The following TBC1D32 variants were observed in gnomAD, a reference collection of about 807,000 sequenced individuals.
TBC1D32 encodes the protein TBC1 domain family member 32, also known as protein broad-minded.
In TBC1D32, 151 loss-of-function variants were observed where a neutral mutation model predicts 170.3. That is an observed-to-expected ratio of 0.89 (90% CI 0.78 to 1.01). The LOEUF is 1.01. Ranked by LOEUF, TBC1D32 falls within the 50% of genes least tolerant of loss-of-function variation. The probability of loss-of-function intolerance (pLI) is 0.00; values close to 1 mark genes in which losing one functional copy is unlikely to be tolerated. For synonymous variants in TBC1D32, 498 were observed against 488.0 expected, an observed-to-expected ratio of 1.02 and a Z score of -0.27; for missense variants, 1,464 against 1,457.1, an observed-to-expected ratio of 1.00 and a Z score of -0.08.
At chr6:121,224,979 T>TA (rs1174365661) in intron 20 of TBC1D32, among the ~76,000 whole-genome samples, 2 of 152,030 alleles carry the variant, frequency 1.3e-5, no homozygotes, top group East Asian at 1.9e-4. Flanking sequence ...AATGAAGTTA[T>TA]AAAAAATAAC....
At chr6:121,287,342 G>A (rs1214186615) in intron 12 of TBC1D32, among the ~76,000 whole-genome samples, 1 of 151,932 alleles carries the variant, frequency 6.6e-6, no homozygotes, top group African/African-American at 2.4e-5. Context: ...AAAAAGGCAG[G>A]GGTTGCAATC....
At chr6:121,104,200 G>C (rs759272550) in intron 30 of TBC1D32, among the ~76,000 whole-genome samples, 45 of 151,678 alleles carry the variant, frequency 3.0e-4, no homozygotes, top group Non-Finnish European at 4.9e-4. Flanking sequence ...ATTCCCTATA[G>C]GATAAATCTA....
chr6:121,191,237 CCAAA>C (rs1562840816), intron 22 of TBC1D32, among the ~76,000 whole-genome samples: 1 of 152,090 alleles, frequency 6.6e-6, no homozygotes, highest in Non-Finnish European at 1.5e-5. Context: ...TCTTACTTAA[CCAAA>C]CACATTTCAT....
intron 12 of TBC1D32, among the ~76,000 whole-genome samples, chr6:121,284,768 GATAA>G (rs1198549750): frequency 2.6e-5 from 4 of 151,990 alleles, no homozygotes; most frequent in African/African-American, 7.2e-5. Context: ...AATATAAAAT[GATAA>G]ATAAATTATA....
intron 12 of TBC1D32, among the ~76,000 whole-genome samples, chr6:121,287,178 A>T (rs1803997327): frequency 1.3e-5 from 2 of 152,218 alleles, no homozygotes; most frequent in Admixed American, 1.3e-4. Context: ...TAAATGGGCT[A>T]AATGCTCCAA....
At chr6:121,125,357 G>A (rs539982689) in intron 26 of TBC1D32, among the ~76,000 whole-genome samples, 1 of 152,292 alleles carries the variant, frequency 6.6e-6, no homozygotes, top group South Asian at 2.1e-4. Flanking sequence ...AGGAACTCTG[G>A]CCAGGAATCA....
intron 15 of TBC1D32, among the ~76,000 whole-genome samples, chr6:121,276,783 C>T (rs1249949925): frequency 6.6e-6 from 1 of 151,920 alleles, no homozygotes; most frequent in Non-Finnish European, 1.5e-5. Context: ...AAGCAGACTG[C>T]AAAGCAAGGA....
At chr6:121,108,508 C>T (rs1419653326) in intron 29 of TBC1D32, among the ~76,000 whole-genome samples, 4 of 151,960 alleles carry the variant, frequency 2.6e-5, no homozygotes, top group African/African-American at 9.7e-5. Context: ...AATATATAAA[C>T]TACGCTAAGA....
chr6:121,143,113 T>C (rs938773573), intron 24 of TBC1D32, among the ~76,000 whole-genome samples: 6 of 152,186 alleles, frequency 3.9e-5, no homozygotes, highest in African/African-American at 1.4e-4. Flanking sequence ...TAGTACGTAT[T>C]ATACTACCTA....
At chr6:121,103,253 T>C (rs1331631611) in intron 30 of TBC1D32, among the ~76,000 whole-genome samples, 2 of 152,104 alleles carry the variant, frequency 1.3e-5, no homozygotes, top group Non-Finnish European at 2.9e-5. Flanking sequence ...GAAAGGATTA[T>C]AAATCATGCT....
chr6:121,128,742 C>T (rs1781117790), intron 25 of TBC1D32, among the ~76,000 whole-genome samples: 3 of 152,120 alleles, frequency 2.0e-5, no homozygotes, highest in Admixed American at 1.3e-4. Flanking sequence ...TGAGAAAAAA[C>T]TAAGGCAGAC....
chr6:121,207,780 G>A (rs11750983), intron 21 of TBC1D32, among the ~76,000 whole-genome samples: 17,913 of 152,022 alleles, frequency 0.12, 1,455 homozygotes, highest in Non-Finnish European at 0.18. Flanking sequence ...AGGCCATACT[G>A]GAAAAACAAA....
At chr6:121,255,453 T>TA in intron 16 of TBC1D32, 43 bp from the exon 17 acceptor site, 1 of 554,322 alleles carries the variant, frequency 1.8e-6, no homozygotes, top group Non-Finnish European at 2.9e-6. Flanking sequence ...CTGATAGCAC[T>TA]AGCCATATAT....
intron 24 of TBC1D32, among the ~76,000 whole-genome samples, chr6:121,158,381 A>G (rs562196486): frequency 6.2e-4 from 95 of 152,014 alleles, no homozygotes; most frequent in African/African-American, 2.2e-3. Flanking sequence ...TGAAATGGTT[A>G]TTTTTTCTTT....
chr6:121,195,956 G>T (rs1414400033), intron 22 of TBC1D32, among the ~76,000 whole-genome samples: 2 of 152,168 alleles, frequency 1.3e-5, no homozygotes, highest in Non-Finnish European at 2.9e-5. Flanking sequence ...TGTAGCCAGT[G>T]GTTTGGCTGG....
chr6:121,320,757 T>C (rs1201747634), intron 2 of TBC1D32, among the ~76,000 whole-genome samples: 1 of 152,160 alleles, frequency 6.6e-6, no homozygotes, highest in East Asian at 1.9e-4. Flanking sequence ...CTGTCCAAAA[T>C]AATTTTTTAA....
chr6:121,115,045 G>A (rs368021942), intron 27 of TBC1D32, 127 bp downstream of exon 27: 15 of 600,956 alleles, frequency 2.5e-5, no homozygotes, highest in Non-Finnish European at 3.1e-5. Flanking sequence ...GTCATTTTCC[G>A]AATGATAAAC....
At chr6:121,138,930 C>T (rs1488149296) in intron 24 of TBC1D32, among the ~76,000 whole-genome samples, 5 of 151,894 alleles carry the variant, frequency 3.3e-5, no homozygotes, top group South Asian at 4.2e-4. Context: ...CTGCAAGCTC[C>T]GCCTCCCGGG....
intron 17 of TBC1D32, among the ~76,000 whole-genome samples, chr6:121,243,532 T>C (rs1025546295): frequency 8.5e-5 from 13 of 152,058 alleles, no homozygotes; most frequent in Non-Finnish European, 1.8e-4. Flanking sequence ...TAGTGAGAGA[T>C]TATATATCAA....
Sources: allele counts gnomAD v4.1 joint callset (sites outside exome capture counted in the v4.1 genomes callset), GRCh38; gene constraint gnomAD v4.1.1; transcripts MANE v1.5; gene names NCBI Gene and HGNC (gene_info 2026-07-23, HGNC 2026-07-21).